PAK3: variants seen among roughly 807,000 people sequenced by gnomAD.
The protein encoded by PAK3 is serine/threonine-protein kinase PAK 3.
In PAK3, 4 loss-of-function variants were observed where a neutral mutation model predicts 41.0. The observed-to-expected ratio is 0.10, with a 90% CI of 0.05 to 0.22. The LOEUF (loss-of-function observed/expected upper bound fraction) is 0.22. Among genes scored for constraint, PAK3 ranks in the 10% least tolerant of loss-of-function variants. The pLI is 1.00. For synonymous variants in PAK3, 146 were observed against 139.6 expected, an observed-to-expected ratio of 1.05 and a Z score of -0.32; for missense variants, 205 against 409.9, an observed-to-expected ratio of 0.50 and a Z score of 4.32.
chrX:111,052,199 G>T (rs11795446), intron 1 of PAK3, among the ~76,000 whole-genome samples: 1,256 of 112,059 alleles, frequency 0.011, 8 homozygotes, highest in Non-Finnish European at 0.019. Flanking sequence ...GCTGAGGGAG[G>T]GAAAATTAAC....
At chrX:111,194,540 T>C in intron 14 of PAK3, 122 bp downstream of exon 14, 1 of 557,703 alleles carries the variant, frequency 1.8e-6, no homozygotes, top group Non-Finnish European at 3.2e-6. Flanking sequence ...CTGAAAACAA[T>C]TGGAGAGGCC....
chrX:111,138,980 A>T (rs1326023239), intron 5 of PAK3, among the ~76,000 whole-genome samples: 2 of 109,564 alleles, frequency 1.8e-5, no homozygotes, highest in Non-Finnish European at 3.8e-5. Flanking sequence ...AAACAAACAA[A>T]CAAACAACAA....
At chrX:111,209,503 A>G (rs2094795658) in intron 16 of PAK3, among the ~76,000 whole-genome samples, 1 of 112,176 alleles carries the variant, frequency 8.9e-6, no homozygotes, top group African/African-American at 3.2e-5. Context: ...GTTCAGTTGC[A>G]TTGTATGTTA....
intron 1 of PAK3, among the ~76,000 whole-genome samples, chrX:111,059,121 C>CTTTTTTTT (rs386417402): frequency 3.3e-5 from 2 of 61,013 alleles, no homozygotes; most frequent in African/African-American, 6.4e-5. Flanking sequence ...TCAACTTTTC[C>CTTTTTTTT]TTTTTTTTTT....
intron 11 of PAK3, among the ~76,000 whole-genome samples, chrX:111,186,158 A>G (rs894729107): frequency 4.5e-5 from 5 of 111,556 alleles, no homozygotes; most frequent in African/African-American, 1.6e-4. Flanking sequence ...ATTAAGAGCT[A>G]TTTATGACGA....
At chrX:111,206,166 A>G (rs2094744933) in intron 16 of PAK3, among the ~76,000 whole-genome samples, 1 of 110,497 alleles carries the variant, frequency 9.1e-6, no homozygotes, top group Non-Finnish European at 1.9e-5. Context: ...CACCAGCGAT[A>G]TTCTCCTCCC....
intron 5 of PAK3, among the ~76,000 whole-genome samples, chrX:111,131,370 A>G (rs1398285820): frequency 2.7e-5 from 3 of 111,601 alleles, no homozygotes; most frequent in Non-Finnish European, 5.7e-5. Flanking sequence ...CTCAGAATCA[A>G]TATGTATTCG....
intron 17 of PAK3, among the ~76,000 whole-genome samples, chrX:111,219,784 G>A (rs1276297925): frequency 9.0e-6 from 1 of 111,341 alleles, no homozygotes; most frequent in Admixed American, 9.6e-5. Flanking sequence ...GTAGGAGGAG[G>A]AAGTGAAACC....
At position 111,074,470 on chromosome X, in the gene PAK3, T is replaced by A. The variant is rs375750044; in HGVS notation, c.-27-48607T>A. 3.6e-5 allele frequency among the ~76,000 whole-genome samples: 4 copies of A among 111,928 alleles called. No homozygotes were observed. The East Asian group carries it at 1.1e-3, about 31-fold the overall frequency. On this transcript the variant is annotated intron_variant, in intron 1 of 14. Coordinates refer to the PAK3 transcript ENST00000425146. The stretch of plus-strand genomic sequence containing the variant: ...TTCCCCATTCATCTTCTGCCACGAT[T>A]ATAAGCTTCCTCAGGCCCTCACCCA...
chrX:111,125,895 G>T (rs1017281795), intron 5 of PAK3, among the ~76,000 whole-genome samples: 1 of 111,766 alleles, frequency 8.9e-6, no homozygotes, highest in Non-Finnish European at 1.9e-5. Flanking sequence ...TTCAGACAAA[G>T]ATTGAATGAT....
intron 16 of PAK3, among the ~76,000 whole-genome samples, chrX:111,204,904 A>G (rs1316450987): frequency 2.7e-5 from 2 of 75,177 alleles, no homozygotes; most frequent in East Asian, 3.7e-4. Context: ...TTTGTAAAGA[A>G]TTACCCTCAC....
At chrX:111,138,047 C>T (rs1168939108) in intron 5 of PAK3, among the ~76,000 whole-genome samples, 3 of 99,742 alleles carry the variant, frequency 3.0e-5, no homozygotes, top group African/African-American at 1.1e-4. Context: ...GAGCTCAAAT[C>T]TTTTTTTTTT....
chrX:111,077,840 G>A (rs1435992279), intron 1 of PAK3, among the ~76,000 whole-genome samples: 1 of 111,765 alleles, frequency 8.9e-6, no homozygotes, highest in Non-Finnish European at 1.9e-5. Context: ...TTTCTGCATA[G>A]CAAGGGAAAC....
chrX:111,004,235 G>A (rs1160572298), intron 1 of PAK3, among the ~76,000 whole-genome samples: 1 of 111,869 alleles, frequency 8.9e-6, no homozygotes, highest in African/African-American at 3.3e-5. Context: ...TTATTCTGAA[G>A]GCAGGGGATA....
rs1232885366 is a variant in PAK3, at chrX:111,225,368, C to T, written c.*4921C>T. ...ACCTCCATGTGCACACCTGTGTGTA[C>T]GAGTATTCTATACAACTTGTAGCAT... On this transcript the variant is annotated 3_prime_UTR_variant, in exon 18 of 18. Coordinates refer to ENST00000372007, the MANE Select transcript of PAK3 (RefSeq NM_002578.5). The T allele has an allele frequency of 6.3e-5, 7 of 111,989 alleles. No homozygotes were observed. In the South Asian group the frequency reaches 2.2e-3, roughly 36 times the overall value. The allele number at this position is 111,989 out of a possible 1,213,427, so 9.2% of individuals were successfully genotyped here. A position where few individuals can be genotyped will look rare whatever the true frequency, so the allele number is the denominator to read the frequency against.
chrX:110,952,128 C>T (rs1352058884), intron 1 of PAK3, among the ~76,000 whole-genome samples: 1 of 112,285 alleles, frequency 8.9e-6, no homozygotes, highest in Admixed American at 9.4e-5. Flanking sequence ...AGCTTTTTCC[C>T]TTACTCTGCC....
At position 110,970,179 on chromosome X, in the gene PAK3, T is replaced by C. The variant is rs1021757960; in HGVS notation, c.-28+25551T>C. The stretch of plus-strand genomic sequence containing the variant: ...TAGTGATGATGAGCTTTTTTTCAGA[T>C]GTTTGTTGGCCACATAAATATCTTC... On this transcript the variant is annotated intron_variant, in intron 1 of 14. Transcript: ENST00000425146. Among the ~76,000 whole-genome samples the C allele has an allele frequency of 3.6e-5, 4 of 112,450 alleles. No homozygotes were observed. In the Admixed American group the frequency reaches 3.7e-4, roughly 11 times the overall value.
At chrX:111,137,459 CT>C (rs1431379558) in intron 5 of PAK3, among the ~76,000 whole-genome samples, 4 of 109,491 alleles carry the variant, frequency 3.7e-5, no homozygotes, top group East Asian at 5.7e-4. Context: ...TGGCATCTCT[CT>C]TTTTTTTTAA....
chrX:110,975,295 A>G (rs1055203192), intron 1 of PAK3, among the ~76,000 whole-genome samples: 2 of 112,227 alleles, frequency 1.8e-5, no homozygotes, highest in Non-Finnish European at 3.8e-5. Context: ...AAAAATCACA[A>G]GCATTCCTAT....
Sources: gnomAD v4.1 joint callset for allele counts (sites outside exome capture counted in the v4.1 genomes callset) on GRCh38, gnomAD v4.1.1 for gene constraint, MANE v1.5 for transcripts, NCBI Gene and HGNC (gene_info 2026-07-23, HGNC 2026-07-21) for gene names.